LY9: variants seen among roughly 807,000 people sequenced by gnomAD.
The protein encoded by LY9 is lymphocyte antigen 9.
In LY9, 59 loss-of-function variants were observed where a neutral mutation model predicts 64.6. That is an observed-to-expected ratio of 0.91 (90% CI 0.74 to 1.13). The LOEUF is 1.13. LY9 is among the 50% of genes most tolerant of loss of function. LY9 has a pLI of 0.00. For missense variants in LY9, 789 were observed against 797.2 expected (o/e 0.99, Z 0.12); for synonymous variants, 281 against 308.5 (o/e 0.91, Z 0.93).
chr1:160,820,067 T>C lies in LY9; in HGVS notation c.1498+693T>C, dbSNP rs183662082. On this transcript the variant is annotated intron_variant, in intron 7 of 9. Coordinates refer to ENST00000263285, the MANE Select transcript of LY9 (RefSeq NM_002348.4). ...TGTCCCCCAGGGTCTCTAGGGTTCC[T>C]TGGGCATTAGCCATTCACCATTTGA... Among the ~76,000 whole-genome samples the C allele has an allele frequency of 4.4e-3, 666 of 152,324 alleles. 8 individuals are homozygous for C. Among genetic ancestry groups the C allele is most frequent in the African/African-American group, 0.015 (642 of 41,568 alleles).
At chr1:160,826,866 C>A (rs1021517421) in intron 9 of LY9, among the ~76,000 whole-genome samples, 1 of 152,190 alleles carries the variant, frequency 6.6e-6, no homozygotes, top group Non-Finnish European at 1.5e-5. Flanking sequence ...GCTTTCTACT[C>A]TGGCCTGGCC....
In LY9 at chr1:160,827,889, G is replaced by A; in HGVS notation, c.*73G>A. ...GTCAGCTGGACCTCATGGGGCCTGGGGCTCACAGACAGAAGCACCTCAGAA... is the reference window on the plus strand; with the variant it reads ...GTCAGCTGGACCTCATGGGGCCTGGAGCTCACAGACAGAAGCACCTCAGAA... On this transcript the variant is annotated 3_prime_UTR_variant, in exon 10 of 10. Transcript: ENST00000263285. 3 of 1,247,882 alleles carry A rather than the reference G, an allele frequency of 2.4e-6. No individual in the cohort carries two copies. The highest frequency in any genetic ancestry group is 1.3e-5 in the South Asian group (1 of 75,960). The allele number at this position is 1,247,882 out of a possible 1,614,324, so 77.3% of individuals were successfully genotyped here. A position where few individuals can be genotyped will look rare whatever the true frequency, so the allele number is the denominator to read the frequency against.
rs1431909641 is a variant in LY9, at chr1:160,799,924, T to C, written c.296T>C (p.Met99Thr). ...FARPKENVTI[M>T]VKSYLGRLDI... is the part of the protein sequence containing the mutation. Reference sequence around the variant, plus strand: ...CGTCCCAAAGAAAATGTAACCATTATGGTCAAAAGCTACCTGGGCCGACTA... The same window carrying C: ...CGTCCCAAAGAAAATGTAACCATTACGGTCAAAAGCTACCTGGGCCGACTA... Residue 99 changes from methionine to threonine, a missense_variant, in exon 2 of 10, where the codon ATG becomes ACG. Coordinates refer to ENST00000263285, the MANE Select transcript of LY9 (RefSeq NM_002348.4). The C allele has an allele frequency of 1.2e-6, 2 of 1,614,226 alleles. No homozygotes were observed. Among genetic ancestry groups the C allele is most frequent in the Admixed American group, 3.3e-5 (2 of 60,026 alleles).
intron 2 of LY9, chr1:160,802,698 AT>A: frequency 2.1e-6 from 2 of 945,244 alleles, no homozygotes; most frequent in Non-Finnish European, 2.5e-6. Context: ...CTCTAAAAAA[AT>A]AAAAATAAAT....
intron 2 of LY9, chr1:160,812,023 T>C (rs183868897): frequency 6.6e-6 from 1 of 152,362 alleles, no homozygotes. Flanking sequence ...TCTGTGTTAG[T>C]TTTCTAGGGC....
chr1:160,814,965 T>C, intron 4 of LY9: 1 of 589,302 alleles, frequency 1.7e-6, no homozygotes, highest in Non-Finnish European at 3.0e-6. Flanking sequence ...CCCGCCAAAG[T>C]GCCCCTGGCT....
intron 1 of LY9, chr1:160,797,345 T>C (rs1315159467): frequency 1.1e-6 from 1 of 920,094 alleles, no homozygotes; most frequent in Non-Finnish European, 1.3e-6. Context: ...GAAACACTCC[T>C]AGATGCAGAT....
At chr1:160,821,154 A>AAATAAAAAAAAT (rs1668403386) in intron 7 of LY9, among the ~76,000 whole-genome samples, 1 of 149,470 alleles carries the variant, frequency 6.7e-6, no homozygotes, top group South Asian at 2.1e-4. Flanking sequence ...ACTTTGCTAA[A>AAATAAAAAAAAT]AAAAAAAAAA....
At chr1:160,799,404 T>A (rs538432528) in intron 1 of LY9, 18 of 188,046 alleles carry the variant, frequency 9.6e-5, no homozygotes, top group Non-Finnish European at 1.5e-4. Flanking sequence ...ATTTTTACCA[T>A]ATCCCTTGAA....
rs114803747 is a variant in LY9 at position 160,816,682 on chromosome 1, C to T, written c.1161C>T (p.Asp387=). Residue 387 remains aspartate (D), a synonymous_variant, in exon 5 of 10, where the codon GAC becomes GAT. Coordinates refer to ENST00000263285, the MANE Select transcript of LY9 (RefSeq NM_002348.4). ...TCAGCCTGACCTGCTCCGTGGAGGA[C>T]GGGGGAAACACTGTCATGTACACAT... ...CRISLTCSVE[D]GGNTVMYTWT... 2.1e-3 allele frequency: 3,468 copies of T among 1,614,128 alleles called. 9 individuals are homozygous for T. Among genetic ancestry groups the T allele is most frequent in the Non-Finnish European group, 2.6e-3 (3,075 of 1,180,018 alleles).
chr1:160,799,095 A>T (rs1050715728), intron 1 of LY9: 5 of 152,388 alleles, frequency 3.3e-5, no homozygotes, highest in African/African-American at 1.2e-4. Flanking sequence ...CCACCCCCAA[A>T]CCTGGCCAAA....
chr1:160,814,637 C>T lies in LY9; in HGVS notation c.948C>T (p.Ser316=). 6.2e-7 allele frequency: 1 copy of T among 1,614,064 alleles called. No individual in the cohort carries two copies. The highest frequency in any genetic ancestry group is 8.5e-7 in the Non-Finnish European group (1 of 1,180,006). The change falls in exon 4 of 10, where the codon TCC becomes TCT. Residue 316 remains serine (S), a synonymous_variant. Transcript: ENST00000263285. ...RDPYKNRVWV[S]SQDCSLKISQ... is the part of the protein sequence containing the mutation. The stretch of plus-strand genomic sequence containing the variant: ...CTTACAAGAACAGGGTGTGGGTCTC[C>T]AGCCAGGACTGCTCCCTGAAGATCA...
At chr1:160,798,652 A>T (rs2101731134) in intron 1 of LY9, among the ~76,000 whole-genome samples, 1 of 152,260 alleles carries the variant, frequency 6.6e-6, no homozygotes, top group South Asian at 2.1e-4. Context: ...TGGCTGATGG[A>T]GGTCTAAGCA....
chr1:160,802,260 C>T (rs1445977358), intron 2 of LY9: 2 of 1,029,774 alleles, frequency 1.9e-6, no homozygotes, highest in Admixed American at 1.1e-4. Flanking sequence ...CAAGCCTGTC[C>T]ACCCTGCAAA....
chr1:160,798,272 G>A (rs958116732), intron 1 of LY9, among the ~76,000 whole-genome samples: 5 of 152,152 alleles, frequency 3.3e-5, no homozygotes, highest in Non-Finnish European at 5.9e-5. Context: ...CAGATGGGCA[G>A]TACTCCTGGC....
chr1:160,809,161 T>A (rs1571001462), intron 2 of LY9, among the ~76,000 whole-genome samples: 1 of 151,446 alleles, frequency 6.6e-6, no homozygotes, highest in East Asian at 1.9e-4. Context: ...ATATATGGGG[T>A]CAAATTACTG....
intron 1 of LY9, among the ~76,000 whole-genome samples, chr1:160,796,601 C>A (rs1384548139): frequency 1.3e-5 from 2 of 152,174 alleles, no homozygotes; most frequent in African/African-American, 4.8e-5. Context: ...CTATGTTGGC[C>A]ACGGTGGTCT....
intron 2 of LY9, chr1:160,812,624 C>A (rs1051217388): frequency 2.6e-5 from 4 of 152,154 alleles, no homozygotes; most frequent in African/African-American, 9.7e-5. Context: ...CTGTCTATAT[C>A]TAGAATACCT....
At chr1:160,805,638 A>C (rs1416959727) in intron 2 of LY9, among the ~76,000 whole-genome samples, 2 of 151,940 alleles carry the variant, frequency 1.3e-5, no homozygotes, top group Admixed American at 6.6e-5. Flanking sequence ...ATTTAAATCC[A>C]ATGTTTCTTT....
Sources: allele counts gnomAD v4.1 joint callset (sites outside exome capture counted in the v4.1 genomes callset), GRCh38; gene constraint gnomAD v4.1.1; transcripts MANE v1.5; gene names NCBI Gene and HGNC (gene_info 2026-07-23, HGNC 2026-07-21).